MROH7: variants seen among roughly 807,000 people sequenced by gnomAD.
MROH7 encodes the protein maestro heat-like repeat-containing protein family member 7.
A neutral mutation model predicts 129.2 loss-of-function variants in MROH7; 113 were observed. That is an observed-to-expected ratio of 0.87 (90% confidence interval 0.75 to 1.02). The LOEUF (loss-of-function observed/expected upper bound fraction) is 1.02, where lower values mean the gene tolerates loss of function less well. Ranked by LOEUF, MROH7 falls within the 50% of genes least tolerant of loss-of-function variation. The probability of loss-of-function intolerance (pLI) is 0.00; values close to 1 mark genes in which losing one functional copy is unlikely to be tolerated. For missense variants in MROH7, 1,601 were observed against 1,671.3 expected (o/e 0.96, Z 0.73); for synonymous variants, 655 against 667.9 (o/e 0.98, Z 0.30).
chr1:54,665,367 A>C (rs1644797107), intron 4 of MROH7, 127 bp downstream of exon 4: 1 of 638,144 alleles, frequency 1.6e-6, no homozygotes. Context: ...TCTCCATAAC[A>C]TTCATTGCCG....
At chr1:54,686,110 G>A in intron 14 of MROH7, 148 bp from the exon 15 acceptor site, 1 of 626,568 alleles carries the variant, frequency 1.6e-6, no homozygotes, top group Admixed American at 3.1e-5. Flanking sequence ...GTTTGGGGCT[G>A]GGGGGTGGGG....
rs746143056 is a variant in MROH7 at position 54,652,986 on chromosome 1, TC to T, written c.66del (p.Ser23ProfsTer7). 6.2e-7 allele frequency: 1 copy of T among 1,613,250 alleles called. No homozygotes were observed. ...ATGAAGACCCAAAGATGACACCAAG[TC>T]CCCCCTCCTGTGGGGCCCCGGGATT... ...FHEDPKMTPS[P>X]PSCGAPGLGS... On this transcript the variant is annotated frameshift_variant, in exon 3 of 24. Coordinates refer to ENST00000421030, the MANE Select transcript of MROH7 (RefSeq NM_001039464.4). LOFTEE classifies it high-confidence loss of function.
At chr1:54,677,305 A>G (rs1444143840) in intron 10 of MROH7, among the ~76,000 whole-genome samples, 1 of 152,210 alleles carries the variant, frequency 6.6e-6, no homozygotes, top group African/African-American at 2.4e-5. Flanking sequence ...AGGCTGAGGC[A>G]GGAGAATCAC....
At chr1:54,692,192 G>A (rs1489456702) in intron 15 of MROH7, among the ~76,000 whole-genome samples, 1 of 152,194 alleles carries the variant, frequency 6.6e-6, no homozygotes, top group East Asian at 1.9e-4. Flanking sequence ...TGGTCCCAGA[G>A]GTAAAAGCAC....
At chr1:54,683,007 A>G (rs762737007) in intron 14 of MROH7, among the ~76,000 whole-genome samples, 14 of 149,742 alleles carry the variant, frequency 9.3e-5, no homozygotes, top group Non-Finnish European at 1.6e-4. Context: ...AGCCTGGGAT[A>G]TGGGAAAAAG....
intron 10 of MROH7, among the ~76,000 whole-genome samples, chr1:54,677,200 A>C (rs1453241424): frequency 1.3e-5 from 2 of 152,066 alleles, no homozygotes; most frequent in Non-Finnish European, 2.9e-5. Flanking sequence ...GGAGTTCAAG[A>C]CCAGCCTGGC....
intron 5 of MROH7, among the ~76,000 whole-genome samples, chr1:54,669,655 T>A (rs1189052117): frequency 6.6e-6 from 1 of 152,118 alleles, no homozygotes; most frequent in Non-Finnish European, 1.5e-5. Flanking sequence ...CTCTCGAGAT[T>A]TGGGACCACA....
At chr1:54,697,056 C>T (rs1032859467) in intron 17 of MROH7, 1 of 152,200 alleles carries the variant, frequency 6.6e-6, no homozygotes, top group African/African-American at 2.4e-5. Flanking sequence ...TGTTGGCTGA[C>T]ATCGTAAAAC....
chr1:54,664,803 G>A (rs1644785417), intron 3 of MROH7, among the ~76,000 whole-genome samples: 1 of 152,196 alleles, frequency 6.6e-6, no homozygotes, highest in Non-Finnish European at 1.5e-5. Context: ...ACTGGAGGCA[G>A]GAGTTCGAGA....
At position 54,654,033 on chromosome 1, in the gene MROH7, C is replaced by T; in HGVS notation, c.1107C>T (p.Pro369=). Residue 369 remains proline (P), a synonymous_variant, in exon 3 of 24, where the codon CCC becomes CCT. Coordinates refer to ENST00000421030, the MANE Select transcript of MROH7 (RefSeq NM_001039464.4). ...DAKDNSIHTV[P]LEENLESWSE... ...AGGACAACAGCATCCACACTGTGCC[C>T]CTGGAGGAGAATCTGGAGAGTTGGA... is the stretch of plus-strand genomic sequence containing the variant. 3 of 1,614,206 alleles carry T rather than the reference C, an allele frequency of 1.9e-6. No homozygotes were observed. The highest frequency in any genetic ancestry group is 1.1e-5 in the South Asian group (1 of 91,088).
At chr1:54,673,679 A>C in intron 8 of MROH7, 22 bp from the exon 9 acceptor site, 1 of 1,581,026 alleles carries the variant, frequency 6.3e-7, no homozygotes, top group Non-Finnish European at 8.7e-7. Flanking sequence ...TGTAGTTCTG[A>C]GTCTTGCTTT....
chr1:54,702,691 C>G lies in MROH7; in HGVS notation c.3510C>G (p.Ser1170Arg), dbSNP rs371435764. ...MAWELPKRAY[S>R]RKPWDNQQQT... ...GGGAGTTGCCAAAAAGAGCTTATAGCCGGAAGCCCTGGGACAACCAACAGC... is the reference window on the plus strand; with the variant it reads ...GGGAGTTGCCAAAAAGAGCTTATAGGCGGAAGCCCTGGGACAACCAACAGC... The change falls in exon 21 of 24, where the codon AGC becomes AGG. Residue 1170 changes from serine (S) to arginine (R), a missense_variant. Ser to Arg is a moderately radical substitution (Grantham distance 110). Transcript: ENST00000421030. The G allele has an allele frequency of 2.5e-6, 4 of 1,613,844 alleles. No homozygotes were observed. The highest frequency in any genetic ancestry group is 3.4e-6 in the Non-Finnish European group (4 of 1,179,844).
intron 14 of MROH7, 38 bp from the exon 15 acceptor site, chr1:54,686,220 G>GGCCACGA (rs763618736): frequency 6.4e-7 from 1 of 1,565,608 alleles, no homozygotes; most frequent in South Asian, 1.2e-5. Flanking sequence ...TGGGAAGATG[G>GGCCACGA]GCCACGACAT....
chr1:54,669,812 C>A (rs909641723), intron 5 of MROH7, among the ~76,000 whole-genome samples: 8 of 151,764 alleles, frequency 5.3e-5, no homozygotes, highest in African/African-American at 1.9e-4. Flanking sequence ...CAAGCCTGAC[C>A]AAAATGGCGA....
chr1:54,678,952 T>A, intron 11 of MROH7, 98 bp downstream of exon 11: 1 of 1,002,524 alleles, frequency 1.0e-6, no homozygotes, highest in South Asian at 1.4e-5. Context: ...CTTTCCAGGC[T>A]TTGCAGGACG....
Position 54,653,645 on chromosome 1 carries a change from T to C in MROH7, c.719T>C (p.Leu240Pro). The C allele has an allele frequency of 6.2e-7, 1 of 1,614,182 alleles. No individual in the cohort carries two copies. Among genetic ancestry groups the C allele is most frequent in the Non-Finnish European group, 8.5e-7 (1 of 1,180,024 alleles). Residue 240 changes from leucine to proline, a missense_variant, in exon 3 of 24, where the codon CTA becomes CCA. Leu to Pro is a moderately conservative substitution (Grantham distance 98). Coordinates refer to ENST00000421030, the MANE Select transcript of MROH7 (RefSeq NM_001039464.4). ...LNVAPDSHGT[L>P]IPDTNETITL... Reference sequence around the variant, plus strand: ...GTAGCTCCAGATTCTCATGGGACCCTAATCCCAGACACAAATGAGACCATC... The same window carrying C: ...GTAGCTCCAGATTCTCATGGGACCCCAATCCCAGACACAAATGAGACCATC...
chr1:54,642,991 T>C (rs1359728095), intron 1 of MROH7, among the ~76,000 whole-genome samples: 1 of 152,172 alleles, frequency 6.6e-6, no homozygotes, highest in African/African-American at 2.4e-5. Flanking sequence ...TGAAGAGTTG[T>C]CATTCATTCA....
At chr1:54,642,259 T>G (rs1644400038) in intron 1 of MROH7, among the ~76,000 whole-genome samples, 1 of 152,190 alleles carries the variant, frequency 6.6e-6, no homozygotes, top group Non-Finnish European at 1.5e-5. Flanking sequence ...CATCACTTTA[T>G]GTGGGCTATC....
At chr1:54,678,144 C>T (rs779839742) in intron 10 of MROH7, among the ~76,000 whole-genome samples, 1 of 152,138 alleles carries the variant, frequency 6.6e-6, no homozygotes, top group Non-Finnish European at 1.5e-5. Context: ...AACTGTTTGG[C>T]AATATCTTCT....
Sources: allele counts gnomAD v4.1 joint callset (sites outside exome capture counted in the v4.1 genomes callset), GRCh38; gene constraint gnomAD v4.1.1; transcripts MANE v1.5; gene names NCBI Gene and HGNC (gene_info 2026-07-23, HGNC 2026-07-21).